The following ZNF521 variants were observed in gnomAD, a reference collection of about 807,000 sequenced individuals.
ZNF521 encodes zinc finger protein 521.
ZNF521 carries 14 observed loss-of-function variants against 105.5 expected under a neutral mutation model. The ratio of observed to expected loss-of-function variants is 0.13; its 90% CI spans 0.09 to 0.21. ZNF521 has a LOEUF of 0.21. Among genes scored for constraint, ZNF521 ranks in the 10% least tolerant of loss-of-function variants. The pLI is 1.00. For synonymous variants in ZNF521, 635 were observed against 606.0 expected (o/e 1.05, Z -0.70); for missense variants, 1,233 against 1,629.7 (o/e 0.76, Z 4.19).
intron 5 of ZNF521, among the ~76,000 whole-genome samples, chr18:25,135,279 C>CGTGTGTGTGTGTGTGTGT (rs35980671): frequency 2.1e-5 from 3 of 146,114 alleles, no homozygotes; most frequent in Admixed American, 6.9e-5. Context: ...TATATGTATA[C>CGTGTGTGTGTGTGTGTGT]GTGTGTGTGT....
chr18:25,213,780 C>A (rs1052157305), intron 4 of ZNF521, among the ~76,000 whole-genome samples: 6 of 152,100 alleles, frequency 3.9e-5, no homozygotes, highest in Middle Eastern at 3.2e-3. Context: ...AGATTTTCAA[C>A]AATTTATTAA....
At chr18:25,155,500 A>G (rs2035126758) in intron 5 of ZNF521, among the ~76,000 whole-genome samples, 1 of 152,188 alleles carries the variant, frequency 6.6e-6, no homozygotes, top group African/African-American at 2.4e-5. Flanking sequence ...ACCAAAGCCA[A>G]TGTCAAAGAG....
At chr18:25,097,509 C>T (rs9946042) in intron 5 of ZNF521, among the ~76,000 whole-genome samples, 22,565 of 152,044 alleles carry the variant, frequency 0.15, 1,764 homozygotes, top group Middle Eastern at 0.18. Flanking sequence ...TGAAGACCGA[C>T]GCTAGCACCT....
In ZNF521 at chr18:25,230,163, T is replaced by C. The variant is rs149106773; in HGVS notation, c.221-2466A>G. On this transcript the variant is annotated intron_variant, in intron 3 of 7. Transcript: ENST00000361524. ...CTTTCTTCTCTCCAGTCCCCATTAC[T>C]TGTCTTTGTAAAGGAAATTACACAA... Among the ~76,000 whole-genome samples the C allele has an allele frequency of 3.1e-3, 467 of 152,290 alleles. 1 individual carries two copies. The highest frequency in any genetic ancestry group is 0.011 in the African/African-American group (448 of 41,560).
intron 5 of ZNF521, among the ~76,000 whole-genome samples, chr18:25,159,742 T>A (rs2035216244): frequency 6.6e-6 from 1 of 152,166 alleles, no homozygotes; most frequent in Non-Finnish European, 1.5e-5. Context: ...AATTTAGAAA[T>A]GTCACATCGG....
chr18:25,181,416 A>G (rs978013845), intron 5 of ZNF521, among the ~76,000 whole-genome samples: 2 of 152,186 alleles, frequency 1.3e-5, no homozygotes, highest in African/African-American at 2.4e-5. Context: ...ACGGGAAATG[A>G]CAAGCAATGG....
chr18:25,335,345 A>G (rs1598485678), intron 2 of ZNF521, among the ~76,000 whole-genome samples: 1 of 152,168 alleles, frequency 6.6e-6, no homozygotes, highest in East Asian at 1.9e-4. Context: ...TCTTGGAGAC[A>G]GCAAGTGGGT....
chr18:25,279,482 G>A (rs7241449), intron 3 of ZNF521, among the ~76,000 whole-genome samples: 1,704 of 152,256 alleles, frequency 0.011, 20 homozygotes, highest in African/African-American at 0.018. Flanking sequence ...ACTCCACAAC[G>A]AATGGGCAGC....
chr18:25,129,295 G>A, intron 5 of ZNF521, among the ~76,000 whole-genome samples: 1 of 148,042 alleles, frequency 6.8e-6, no homozygotes, highest in East Asian at 2.0e-4. Flanking sequence ...ATTAATCTGT[G>A]TCTAGATTTC....
chr18:25,180,529 A>C (rs1398781069), intron 5 of ZNF521, among the ~76,000 whole-genome samples: 1 of 148,496 alleles, frequency 6.7e-6, no homozygotes, highest in Non-Finnish European at 1.5e-5. Context: ...AAAAAACCCC[A>C]CATTTATTTC....
chr18:25,146,637 G>A (rs2034949793), intron 5 of ZNF521, among the ~76,000 whole-genome samples: 1 of 152,108 alleles, frequency 6.6e-6, no homozygotes, highest in South Asian at 2.1e-4. Flanking sequence ...CACTTGGCCT[G>A]GTTAATCGTA....
intron 3 of ZNF521, among the ~76,000 whole-genome samples, chr18:25,251,929 C>G (rs1908147948): frequency 6.6e-6 from 1 of 152,124 alleles, no homozygotes; most frequent in Admixed American, 6.5e-5. Context: ...AAAATATGTT[C>G]AAGTACTGAT....
At chr18:25,333,478 T>A (rs572008509) in intron 2 of ZNF521, among the ~76,000 whole-genome samples, 2 of 152,188 alleles carry the variant, frequency 1.3e-5, no homozygotes, top group South Asian at 2.1e-4. Context: ...TGTATTTTTT[T>A]AAAATCCAAC....
chr18:25,245,234 A>G (rs1285881881), intron 3 of ZNF521, among the ~76,000 whole-genome samples: 1 of 152,228 alleles, frequency 6.6e-6, no homozygotes, highest in Non-Finnish European at 1.5e-5. Flanking sequence ...TTGACTACAC[A>G]TCTTTGAATT....
In ZNF521 at chr18:25,333,904, A is replaced by G. The variant is rs1026536476; in HGVS notation, c.41-11717T>C. Among the ~76,000 whole-genome samples the G allele has an allele frequency of 3.3e-5, 5 of 152,222 alleles. No individual in the cohort carries two copies. In the East Asian group the frequency reaches 9.6e-4, roughly 29 times the overall value. On this transcript the variant is annotated intron_variant, in intron 2 of 7. Coordinates refer to ENST00000361524, the MANE Select transcript of ZNF521 (RefSeq NM_015461.3). ...GTGCACTGCTATAGTCTTTGCAGGC[A>G]CAACCATCACTCACTTCTTCCCAGA...
At chr18:25,192,703 C>CCA (rs1555645596) in intron 5 of ZNF521, among the ~76,000 whole-genome samples, 3 of 147,862 alleles carry the variant, frequency 2.0e-5, no homozygotes, top group East Asian at 3.9e-4. Flanking sequence ...AAAAAAAAAA[C>CCA]CACACACAGA....
intron 3 of ZNF521, among the ~76,000 whole-genome samples, chr18:25,289,230 G>C (rs1910874037): frequency 6.6e-6 from 1 of 152,240 alleles, no homozygotes; most frequent in African/African-American, 2.4e-5. Context: ...CTTCGGTTAT[G>C]AATCATCCTT....
intron 2 of ZNF521, among the ~76,000 whole-genome samples, chr18:25,323,856 C>G (rs1913064838): frequency 6.6e-6 from 1 of 152,092 alleles, no homozygotes; most frequent in Non-Finnish European, 1.5e-5. Context: ...TATCACCACC[C>G]TTCCAACGAT....
intron 7 of ZNF521, among the ~76,000 whole-genome samples, chr18:25,081,555 C>A (rs2144170839): frequency 6.6e-6 from 1 of 152,122 alleles, no homozygotes; most frequent in South Asian, 2.1e-4. Flanking sequence ...GCAGGAAGGG[C>A]CAAATTTAGA....
Sources: allele counts gnomAD v4.1 joint callset (sites outside exome capture counted in the v4.1 genomes callset), GRCh38; gene constraint gnomAD v4.1.1; transcripts MANE v1.5; gene names NCBI Gene and HGNC (gene_info 2026-07-23, HGNC 2026-07-21).